The following ARHGAP15 variants were observed in gnomAD, a reference collection of about 807,000 sequenced individuals.
ARHGAP15 encodes the protein rho GTPase-activating protein 15.
ARHGAP15 carries 51 observed loss-of-function variants against 63.7 expected under a neutral mutation model. That is an observed-to-expected ratio of 0.80 (90% CI 0.64 to 1.01). ARHGAP15 has a LOEUF of 1.01. ARHGAP15 is among the 50% of genes least tolerant of loss of function. ARHGAP15 has a pLI of 0.00. For missense variants in ARHGAP15, 560 were observed against 564.6 expected (o/e 0.99, Z 0.08); for synonymous variants, 191 against 193.8 (o/e 0.99, Z 0.12).
At chr2:143,407,174 C>T (rs956020295) in intron 6 of ARHGAP15, among the ~76,000 whole-genome samples, 2 of 151,970 alleles carry the variant, frequency 1.3e-5, no homozygotes, top group African/African-American at 2.4e-5. Context: ...CAGGAGTATA[C>T]ATTTGCATCC....
chr2:143,232,516 A>G, intron 5 of ARHGAP15, among the ~76,000 whole-genome samples: 1 of 152,328 alleles, frequency 6.6e-6, no homozygotes, highest in South Asian at 2.1e-4. Context: ...CACTTAAAAT[A>G]TTATAAAATA....
chr2:143,741,307 T>G (rs1685953481), intron 13 of ARHGAP15: 1 of 152,234 alleles, frequency 6.6e-6, no homozygotes, highest in African/African-American at 2.4e-5. Context: ...AGAAAGCATT[T>G]TGACTTCTTT....
At chr2:143,452,152 T>G (rs1241018176) in intron 8 of ARHGAP15, among the ~76,000 whole-genome samples, 1 of 152,060 alleles carries the variant, frequency 6.6e-6, no homozygotes, top group African/African-American at 2.4e-5. Context: ...GTTTTCATTA[T>G]ACACAGAGAA....
intron 10 of ARHGAP15, among the ~76,000 whole-genome samples, chr2:143,540,679 T>C (rs913010181): frequency 2.0e-5 from 3 of 152,248 alleles, no homozygotes; most frequent in African/African-American, 7.2e-5. Flanking sequence ...GAAAATTCTT[T>C]TCTTTAAGAA....
At chr2:143,608,067 CCTT>C (rs1410022691) in intron 11 of ARHGAP15, 1 of 152,170 alleles carries the variant, frequency 6.6e-6, no homozygotes, top group Non-Finnish European at 1.5e-5. Flanking sequence ...TTTCCCCCTC[CCTT>C]CTTAGCAGCT....
intron 6 of ARHGAP15, among the ~76,000 whole-genome samples, chr2:143,390,347 G>A (rs976944694): frequency 6.6e-6 from 1 of 152,078 alleles, no homozygotes; most frequent in African/African-American, 2.4e-5. Context: ...AGAAAAGGGG[G>A]CAGGTTTTCC....
At chr2:143,497,118 T>C (rs527985123) in intron 9 of ARHGAP15, among the ~76,000 whole-genome samples, 136 of 152,344 alleles carry the variant, frequency 8.9e-4, no homozygotes, top group African/African-American at 3.2e-3. Flanking sequence ...TTTCATCTTA[T>C]GACTCTATGC....
intron 8 of ARHGAP15, among the ~76,000 whole-genome samples, chr2:143,470,699 G>GTGTATATATATATGTATATATGTGTA (rs1558993153): frequency 9.5e-5 from 14 of 147,902 alleles, no homozygotes; most frequent in African/African-American, 3.5e-4. Flanking sequence ...GTATATATGT[G>GTGTATATATATATGTATATATGTGTA]TATATATATG....
chr2:143,725,468 C>A (rs1685234916), intron 13 of ARHGAP15, among the ~76,000 whole-genome samples: 1 of 152,254 alleles, frequency 6.6e-6, no homozygotes, highest in Non-Finnish European at 1.5e-5. Flanking sequence ...TTTATTATCA[C>A]ATCATTATCA....
chr2:143,371,985 T>C (rs1686578535), intron 6 of ARHGAP15, among the ~76,000 whole-genome samples: 1 of 151,014 alleles, frequency 6.6e-6, no homozygotes, highest in South Asian at 2.1e-4. Flanking sequence ...TGTAACCAAA[T>C]ACTACCTGTT....
chr2:143,420,704 T>C (rs1041857409), intron 6 of ARHGAP15, among the ~76,000 whole-genome samples: 1 of 152,122 alleles, frequency 6.6e-6, no homozygotes, highest in Non-Finnish European at 1.5e-5. Flanking sequence ...AGATATCCTA[T>C]CAGGTATCTG....
At chr2:143,713,265 AAAG>A (rs1476320103) in intron 13 of ARHGAP15, among the ~76,000 whole-genome samples, 1 of 152,170 alleles carries the variant, frequency 6.6e-6, no homozygotes, top group African/African-American at 2.4e-5. Context: ...AAGAGAAAAC[AAAG>A]AAGAAGCAAA....
chr2:143,346,228 A>ACT (rs61184430), intron 6 of ARHGAP15, among the ~76,000 whole-genome samples: 1 of 139,502 alleles, frequency 7.2e-6, no homozygotes, highest in Non-Finnish European at 1.6e-5. Flanking sequence ...TCTCACACAC[A>ACT]CTCTCTCTCA....
At chr2:143,229,209 G>A (rs1195121838) in intron 5 of ARHGAP15, among the ~76,000 whole-genome samples, 1 of 151,868 alleles carries the variant, frequency 6.6e-6, no homozygotes, top group African/African-American at 2.4e-5. Flanking sequence ...TTTATAAATG[G>A]CACCTTAATA....
intron 12 of ARHGAP15, among the ~76,000 whole-genome samples, chr2:143,692,460 C>G (rs1683653004): frequency 6.6e-6 from 1 of 152,054 alleles, no homozygotes; most frequent in Admixed American, 6.5e-5. Flanking sequence ...GCAGCAAAGC[C>G]CCTCGCTAAT....
chr2:143,317,605 T>C (rs1234367069), intron 6 of ARHGAP15, among the ~76,000 whole-genome samples: 1 of 152,230 alleles, frequency 6.6e-6, no homozygotes, highest in Non-Finnish European at 1.5e-5. Flanking sequence ...ACCTGTGGAA[T>C]TGACAGTTCA....
At chr2:143,705,746 A>G (rs10469562) in intron 13 of ARHGAP15, among the ~76,000 whole-genome samples, 92,400 of 151,918 alleles carry the variant, frequency 0.61, 29,915 homozygotes, top group Admixed American at 0.72. Context: ...TCAACTGAAG[A>G]AATAGCTATA....
chr2:143,656,309 G>T (rs1309350004), intron 12 of ARHGAP15: 1 of 152,166 alleles, frequency 6.6e-6, no homozygotes, highest in Admixed American at 6.5e-5. Flanking sequence ...GCTAACTATG[G>T]CTATTATTGT....
intron 12 of ARHGAP15, among the ~76,000 whole-genome samples, chr2:143,673,758 G>GTGTGTGTATATATA (rs1553520615): frequency 5.9e-4 from 13 of 22,126 alleles, no homozygotes; most frequent in African/African-American, 9.7e-4. Flanking sequence ...GTGTGTGTGT[G>GTGTGTGTATATATA]TATATATATA....
Sources: gnomAD v4.1 joint callset for allele counts (sites outside exome capture counted in the v4.1 genomes callset) on GRCh38, gnomAD v4.1.1 for gene constraint, MANE v1.5 for transcripts, NCBI Gene and HGNC (gene_info 2026-07-23, HGNC 2026-07-21) for gene names.